The following CLCN3 variants were observed in gnomAD, a reference collection of about 807,000 sequenced individuals.
The protein encoded by CLCN3 is Cl-/H+ antiporter 3.
A neutral mutation model predicts 83.4 loss-of-function variants in CLCN3; 16 were observed. The observed-to-expected ratio is 0.19, with a 90% confidence interval of 0.13 to 0.29. CLCN3 has a LOEUF of 0.29. Among genes scored for constraint, CLCN3 ranks in the 10% least tolerant of loss-of-function variants. The pLI is 1.00. For missense variants in CLCN3, 544 were observed against 1,006.0 expected (o/e 0.54, Z 6.21); for synonymous variants, 322 against 346.2 (o/e 0.93, Z 0.78).
intron 11 of CLCN3, among the ~76,000 whole-genome samples, chr4:169,709,050 A>T (rs1733098282): frequency 6.7e-6 from 1 of 148,360 alleles, no homozygotes; most frequent in African/African-American, 2.4e-5. Context: ...TATGAAAATT[A>T]TGTACGTAAA....
rs144536117 is a variant in CLCN3, at chr4:169,685,191, G to T, written c.319-2467G>T. Among the ~76,000 whole-genome samples, 178 of 152,132 alleles carry T rather than the reference G, an allele frequency of 1.2e-3. 1 individual carries two copies. The highest frequency in any genetic ancestry group is 3.7e-3 in the African/African-American group (155 of 41,520). ...AAAGTCCCTTGGAATAGTTTCTTCT[G>T]TGGCATTATGTTACCAGTTAGATGC... On this transcript the variant is annotated intron_variant, in intron 3 of 12. Coordinates refer to ENST00000513761, the MANE Select transcript of CLCN3 (RefSeq NM_001829.4).
intron 2 of CLCN3, among the ~76,000 whole-genome samples, chr4:169,653,140 AC>A (rs1730774382): frequency 6.6e-6 from 1 of 152,074 alleles, no homozygotes; most frequent in South Asian, 2.1e-4. Flanking sequence ...ATTTTAAAAA[AC>A]GTCCCTACCC....
At chr4:169,660,101 C>A in intron 2 of CLCN3, 1 of 1,054,990 alleles carries the variant, frequency 9.5e-7, no homozygotes, top group Non-Finnish European at 1.1e-6. Flanking sequence ...CATTGTCATA[C>A]GTAGCAGGAC....
intron 2 of CLCN3, among the ~76,000 whole-genome samples, chr4:169,661,903 CT>C (rs1350269707): frequency 6.6e-6 from 1 of 152,062 alleles, no homozygotes; most frequent in African/African-American, 2.4e-5. Flanking sequence ...TGAATAGTGA[CT>C]GTTCAAATGT....
rs1324089269 is a variant in CLCN3 at position 169,669,878 on chromosome 4, C to G, written c.161-10172C>G. On this transcript the variant is annotated intron_variant, in intron 2 of 12. Coordinates refer to ENST00000513761, the MANE Select transcript of CLCN3 (RefSeq NM_001829.4). Reference sequence around the variant, plus strand: ...TTCAAAAGTTTTGACTGTTATTAGTCTTTTTGTATGTTTGTTGGCCGCATA... The same window carrying G: ...TTCAAAAGTTTTGACTGTTATTAGTGTTTTTGTATGTTTGTTGGCCGCATA... 2.0e-5 allele frequency among the ~76,000 whole-genome samples: 3 copies of G among 152,218 alleles called. No homozygotes were observed. In the East Asian group the frequency reaches 5.8e-4, roughly 29 times the overall value.
chr4:169,656,277 A>T (rs964267354), intron 2 of CLCN3, among the ~76,000 whole-genome samples: 11 of 152,214 alleles, frequency 7.2e-5, no homozygotes, highest in African/African-American at 2.4e-4. Context: ...CGCGAAGCAT[A>T]GCGTCTTCTG....
chr4:169,658,764 G>A (rs1730959813), intron 2 of CLCN3, among the ~76,000 whole-genome samples: 1 of 151,964 alleles, frequency 6.6e-6, no homozygotes, highest in Non-Finnish European at 1.5e-5. Context: ...AATTTTAATA[G>A]CTAGAATCAG....
At position 169,650,425 on chromosome 4, in the gene CLCN3, G is replaced by GTTTTATTGT. The variant is rs371658236; in HGVS notation, c.160+14341_160+14349dup. The stretch of plus-strand genomic sequence containing the variant: ...TTCAGTAGATGACAAGTTGATTTTA[G>GTTTTATTGT]TTTTATTGTTTTATCTGGCATTTTC... On this transcript the variant is annotated intron_variant, in intron 2 of 12. Coordinates refer to ENST00000513761, the MANE Select transcript of CLCN3 (RefSeq NM_001829.4). 1.6e-3 allele frequency among the ~76,000 whole-genome samples: 240 copies of GTTTTATTGT among 152,204 alleles called. No homozygotes were observed. In the Middle Eastern group the frequency reaches 0.02, roughly 13 times the overall value.
intron 2 of CLCN3, chr4:169,660,392 AT>A: frequency 7.1e-7 from 1 of 1,407,018 alleles, no homozygotes; most frequent in South Asian, 1.6e-5. Flanking sequence ...TCCGACCCTT[AT>A]TTGCCTTATG....
chr4:169,668,043 A>ATTTTTTTTTTTTTTTTT (rs60739106), intron 2 of CLCN3, among the ~76,000 whole-genome samples: 1 of 82,344 alleles, frequency 1.2e-5, no homozygotes, highest in Non-Finnish European at 2.4e-5. Context: ...CCGGCCAGAC[A>ATTTTTTTTTTTTTTTTT]TTTTTTTTTT....
chr4:169,637,064 G>T lies in CLCN3; in HGVS notation c.160+976G>T, dbSNP rs1730231782. ...AGTTTTTAAAAAATTGGCTATTCCA[G>T]TGTGGTTGCAGTAGTCTCTCATTTT... On this transcript the variant is annotated intron_variant, in intron 2 of 12. Coordinates refer to ENST00000513761, the MANE Select transcript of CLCN3 (RefSeq NM_001829.4). 2.0e-5 allele frequency among the ~76,000 whole-genome samples: 3 copies of T among 152,114 alleles called. No individual in the cohort carries two copies. The South Asian group carries it at 6.2e-4, about 32-fold the overall frequency.
chr4:169,680,369 ATT>A, intron 3 of CLCN3, 162 bp downstream of exon 3: 1 of 587,384 alleles, frequency 1.7e-6, no homozygotes, highest in Non-Finnish European at 2.9e-6. Context: ...TCTATGTTTA[ATT>A]TTTTTAGTTT....
intron 3 of CLCN3, 87 bp from the exon 4 acceptor site, chr4:169,687,571 A>G (rs1405160753): frequency 7.4e-6 from 6 of 807,216 alleles, no homozygotes; most frequent in Non-Finnish European, 1.2e-5. Flanking sequence ...TGTTCTATGT[A>G]TGGTAAATGA....
chr4:169,674,197 T>A (rs925954628), intron 2 of CLCN3, among the ~76,000 whole-genome samples: 2 of 152,224 alleles, frequency 1.3e-5, no homozygotes, highest in Non-Finnish European at 2.9e-5. Flanking sequence ...GTTCTTTATC[T>A]TTCATAACCT....
chr4:169,659,176 T>C (rs114389010), intron 2 of CLCN3, among the ~76,000 whole-genome samples: 1,573 of 152,288 alleles, frequency 0.01, 29 homozygotes, highest in African/African-American at 0.036. Flanking sequence ...TTAGTGACAC[T>C]GTGTAACAGG....
At chr4:169,697,776 G>T (rs1212442834) in intron 9 of CLCN3, 42 bp downstream of exon 9, 1 of 1,354,518 alleles carries the variant, frequency 7.4e-7, no homozygotes, top group Non-Finnish European at 1.0e-6. Context: ...ATTTTGGCAT[G>T]TTCAAAACTT....
chr4:169,630,880 T>G (rs966016843), intron 1 of CLCN3, among the ~76,000 whole-genome samples: 1 of 152,244 alleles, frequency 6.6e-6, no homozygotes, highest in Non-Finnish European at 1.5e-5. Context: ...CTAGGTTGAT[T>G]CTGTGTTTTT....
At chr4:169,669,857 A>G (rs1560846939) in intron 2 of CLCN3, among the ~76,000 whole-genome samples, 3 of 152,210 alleles carry the variant, frequency 2.0e-5, no homozygotes, top group Non-Finnish European at 4.4e-5. Flanking sequence ...TTTGAATTCA[A>G]AAGTTTTGAC....
At chr4:169,627,945 A>G (rs1773275355) in intron 1 of CLCN3, among the ~76,000 whole-genome samples, 1 of 152,252 alleles carries the variant, frequency 6.6e-6, no homozygotes. Flanking sequence ...ATGGGCATAG[A>G]TAAAGACACA....
Sources: gnomAD v4.1 joint callset for allele counts (sites outside exome capture counted in the v4.1 genomes callset) on GRCh38, gnomAD v4.1.1 for gene constraint, MANE v1.5 for transcripts, NCBI Gene and HGNC (gene_info 2026-07-23, HGNC 2026-07-21) for gene names.